PNPLA3: variants seen among roughly 807,000 people sequenced by gnomAD.
PNPLA3 encodes the protein 1-acylglycerol-3-phosphate O-acyltransferase PNPLA3.
A neutral mutation model predicts 43.1 loss-of-function variants in PNPLA3; 42 were observed. That is an observed-to-expected ratio of 0.97 (90% CI 0.76 to 1.26). PNPLA3 has a LOEUF of 1.26. Among genes scored for constraint, PNPLA3 ranks in the 50% most tolerant of loss-of-function variants. The pLI, the probability that PNPLA3 is intolerant of heterozygous loss-of-function variation, is 0.00. For missense variants in PNPLA3, 647 were observed against 621.4 expected (o/e 1.04, Z -0.44); for synonymous variants, 272 against 253.6 (o/e 1.07, Z -0.69).
Position 43,946,273 on chromosome 22 carries a change from C to T in PNPLA3, c.1337C>T (p.Pro446Leu), listed in dbSNP as rs201268858. ...GCAGAGACCAAAGCAGAGGCCACCC[C>T]GCGGTCCATCCTCAGGTCCAGCCTG... ...CPAETKAEATPRSILRSSLNF... is the reference protein window; with the variant it reads ...CPAETKAEATLRSILRSSLNF... The change falls in exon 9 of 9, where the codon CCG becomes CTG. Residue 446 changes from proline (P) to leucine (L), a missense_variant. Physicochemically the swap from Pro to Leu is moderately conservative, Grantham distance 98 (BLOSUM62 -3). Coordinates refer to ENST00000216180, the MANE Select transcript of PNPLA3 (RefSeq NM_025225.3). 217 of 1,614,190 alleles carry T rather than the reference C, an allele frequency of 1.3e-4. No individual in the cohort carries two copies. Among genetic ancestry groups the T allele is most frequent in the East Asian group, 2.7e-4 (12 of 44,876 alleles).
chr22:43,926,891 C>T (rs2049926273), intron 1 of PNPLA3, 44 bp from the exon 2 acceptor site: 1 of 1,540,482 alleles, frequency 6.5e-7, no homozygotes, highest in Non-Finnish European at 9.0e-7. Flanking sequence ...GTATTACCAT[C>T]CCAGTGTGGT....
chr22:43,939,997 G>A lies in PNPLA3; in HGVS notation c.984G>A (p.Leu328=). Residue 328 remains leucine (L), a synonymous_variant, in exon 7 of 9, where the codon CTG becomes CTA. Coordinates refer to ENST00000216180, the MANE Select transcript of PNPLA3 (RefSeq NM_025225.3). ...DTLSPRLATA[L]SEEMKDKGGY... is the part of the protein sequence containing the mutation. ...GCTCCAAATTGTCTTTTTCAGCACT[G>A]AGTGAAGAAATGAAAGACAAAGGTG... The A allele has an allele frequency of 1.9e-6, 3 of 1,614,192 alleles. No individual in the cohort carries two copies. The African/African-American group carries it at 4.0e-5, about 22-fold the overall frequency.
rs1205555239 is a variant in PNPLA3 at position 43,928,857 on chromosome 22, A to G, written c.454A>G (p.Ser152Gly). Residue 152 changes from serine (S) to glycine (G), a missense_variant, in exon 3 of 9, where the codon AGT (serine) becomes GGT (glycine). Coordinates refer to ENST00000216180, the MANE Select transcript of PNPLA3 (RefSeq NM_025225.3). ...LVCSCFIPFY[S>G]GLIPPSFRGV... The stretch of plus-strand genomic sequence containing the variant: ...ATGTTCCTGCTTCATCCCCTTCTAC[A>G]GTGGCCTTATCCCTCCTTCCTTCAG... The G allele has an allele frequency of 6.2e-6, 10 of 1,612,582 alleles. No individual in the cohort carries two copies. The highest frequency in any genetic ancestry group is 7.6e-6 in the Non-Finnish European group (9 of 1,178,700).
intron 7 of PNPLA3, among the ~76,000 whole-genome samples, chr22:43,940,421 C>T (rs1459413454): frequency 6.6e-6 from 1 of 152,216 alleles, no homozygotes; most frequent in African/African-American, 2.4e-5. Context: ...GCCTGGAGAG[C>T]TTGGGGTCAC....
chr22:43,946,708 A>T lies in PNPLA3; in HGVS notation c.*326A>T, dbSNP rs2050065827. 5.7e-6 allele frequency: 3 copies of T among 530,942 alleles called. No homozygotes were observed. The highest frequency in any genetic ancestry group is 2.0e-5 in the African/African-American group (1 of 50,440). The allele number at this position is 530,942 out of a possible 1,614,324, so 32.9% of individuals were successfully genotyped here. A position where few individuals can be genotyped will look rare whatever the true frequency, so the allele number is the denominator to read the frequency against. ...TCCAGCATGAGGTTCTTAGAATGACAGGTGTTTGGATGGGTGGGGGCCTTG... is the reference window on the plus strand; with the variant it reads ...TCCAGCATGAGGTTCTTAGAATGACTGGTGTTTGGATGGGTGGGGGCCTTG... On this transcript the variant is annotated 3_prime_UTR_variant, in exon 9 of 9. Coordinates refer to ENST00000216180, the MANE Select transcript of PNPLA3 (RefSeq NM_025225.3).
chr22:43,924,613 TC>T (rs1378956078), intron 1 of PNPLA3, among the ~76,000 whole-genome samples: 1 of 151,800 alleles, frequency 6.6e-6, no homozygotes, highest in East Asian at 1.9e-4. Context: ...ATTGAGGGAC[TC>T]AAGACACCCC....
intron 1 of PNPLA3, among the ~76,000 whole-genome samples, chr22:43,926,642 A>G (rs1022046609): frequency 6.6e-6 from 1 of 152,224 alleles, no homozygotes; most frequent in African/African-American, 2.4e-5. Flanking sequence ...GGTAGAATTA[A>G]TTTCATTGAG....
chr22:43,931,817 C>T (rs1603416294), intron 3 of PNPLA3, among the ~76,000 whole-genome samples: 3 of 152,298 alleles, frequency 2.0e-5, no homozygotes, highest in South Asian at 2.1e-4. Context: ...TGCCCAGCTC[C>T]TAGTGAGGTT....
At chr22:43,934,506 T>A in intron 4 of PNPLA3, 100 bp from the exon 5 acceptor site, 2 of 1,238,352 alleles carry the variant, frequency 1.6e-6, no homozygotes, top group Non-Finnish European at 2.4e-6. Context: ...ACTCAGAGCT[T>A]GCATGATTCT....
intron 7 of PNPLA3, among the ~76,000 whole-genome samples, chr22:43,941,980 C>A (rs962595923): frequency 6.6e-6 from 1 of 152,136 alleles, no homozygotes; most frequent in Non-Finnish European, 1.5e-5. Context: ...GTGGATGTGG[C>A]CCTGGACTTG....
At position 43,937,121 on chromosome 22, in the gene PNPLA3, C is replaced by T. The variant is rs1184975466; in HGVS notation, c.828C>T (p.Pro276=). Residue 276 remains proline, a synonymous_variant, in exon 6 of 9, where the codon CCC becomes CCT. Coordinates refer to ENST00000216180, the MANE Select transcript of PNPLA3 (RefSeq NM_025225.3). ...SEGMDPEVAM[P]SWANMSLDSS... is the part of the protein sequence containing the mutation. ...GGATGGATCCTGAGGTCGCCATGCC[C>T]AGCTGGGCAAACATGAGTCTGGATT... The T allele has an allele frequency of 6.2e-7, 1 of 1,614,178 alleles. No individual in the cohort carries two copies. Among genetic ancestry groups the T allele is most frequent in the South Asian group, 1.1e-5 (1 of 91,084 alleles).
rs2049969858 is a variant in PNPLA3, at chr22:43,932,826, C to T, written c.487-52C>T. The T allele has an allele frequency of 2.6e-6, 4 of 1,542,056 alleles. 1 individual carries two copies. Among genetic ancestry groups the T allele is most frequent in the Middle Eastern group, 3.4e-4 (2 of 5,952 alleles). Reference sequence around the variant, plus strand: ...TGTGAAAGCTTGTTAAGCACTTAAGCACTAACCCAGAGCTTCAGACAGTGC... The same window carrying T: ...TGTGAAAGCTTGTTAAGCACTTAAGTACTAACCCAGAGCTTCAGACAGTGC... On this transcript the variant is annotated intron_variant, in intron 3 of 8. Coordinates refer to ENST00000216180, the MANE Select transcript of PNPLA3 (RefSeq NM_025225.3).
Position 43,926,947 on chromosome 22 carries a change from A to G in PNPLA3, c.200A>G (p.Gln67Arg), listed in dbSNP as rs752246752. ...LSGIPLEQTL[Q>R]VLSDLVRKAR... ...CTCCTGTCCCCAGAGCAGACTCTGC[A>G]GGTCCTCTCAGATCTTGTGCGGAAG... Residue 67 changes from glutamine (Q) to arginine (R), a missense_variant, in exon 2 of 9, where the codon CAG (glutamine) becomes CGG (arginine). By Grantham distance (43) the Gln-to-Arg change is conservative. Transcript: ENST00000216180. 2 of 1,614,018 alleles carry G rather than the reference A, an allele frequency of 1.2e-6. No homozygotes were observed. The highest frequency in any genetic ancestry group is 1.7e-6 in the Non-Finnish European group (2 of 1,179,858).
At position 43,931,579 on chromosome 22, in the gene PNPLA3, G is replaced by C. The variant is rs550405393; in HGVS notation, c.487-1299G>C. 2.6e-5 allele frequency among the ~76,000 whole-genome samples: 4 copies of C among 152,224 alleles called. 1 individual carries two copies. The highest frequency in any genetic ancestry group is 9.6e-5 in the African/African-American group (4 of 41,538). ...ACCTAGGCCTGGAGTGCAGTGGCGC[G>C]ATCTCAGCTCACTGCAACCCTCGGC... On this transcript the variant is annotated intron_variant, in intron 3 of 8. Transcript: ENST00000216180.
intron 1 of PNPLA3, among the ~76,000 whole-genome samples, chr22:43,925,158 A>G (rs907845672): frequency 6.6e-6 from 1 of 151,548 alleles, no homozygotes; most frequent in African/African-American, 2.4e-5. Context: ...CCCCAATCCC[A>G]TCCTCTTCTC....
At chr22:43,927,866 G>A (rs1019169332) in intron 2 of PNPLA3, among the ~76,000 whole-genome samples, 6 of 152,120 alleles carry the variant, frequency 3.9e-5, no homozygotes, top group African/African-American at 1.2e-4. Context: ...ACCTCTGCCT[G>A]GCAGTTACAA....
At chr22:43,939,680 G>A (rs1467137044) in intron 6 of PNPLA3, among the ~76,000 whole-genome samples, 1 of 152,222 alleles carries the variant, frequency 6.6e-6, no homozygotes, top group Non-Finnish European at 1.5e-5. Flanking sequence ...GCTGGGCATG[G>A]TGGCAGGTGC....
At chr22:43,936,090 G>A (rs145868609) in intron 5 of PNPLA3, among the ~76,000 whole-genome samples, 1 of 152,302 alleles carries the variant, frequency 6.6e-6, no homozygotes, top group Non-Finnish European at 1.5e-5. Flanking sequence ...GTTGGGCAAG[G>A]GGAGATGGGG....
intron 8 of PNPLA3, 40 bp from the exon 9 acceptor site, chr22:43,946,114 C>T (rs144014738): frequency 2.7e-4 from 431 of 1,583,772 alleles, no homozygotes; most frequent in Middle Eastern, 2.7e-3. Flanking sequence ...ACTGCAGCAG[C>T]GGGAACGGCC....
Sources: gnomAD v4.1 joint callset for allele counts (sites outside exome capture counted in the v4.1 genomes callset) on GRCh38, gnomAD v4.1.1 for gene constraint, MANE v1.5 for transcripts, NCBI Gene and HGNC (gene_info 2026-07-23, HGNC 2026-07-21) for gene names.